UQCC1: variants seen among roughly 807,000 people sequenced by gnomAD.
UQCC1 encodes the protein ubiquinol-cytochrome c reductase complex assembly factor 1, also known as bFGF-repressed Zic-binding protein.
Under a neutral mutation model 48.0 loss-of-function variants are expected in UQCC1, and 38 were observed. That is an observed-to-expected ratio of 0.79 (90% CI 0.61 to 1.04). UQCC1 has a LOEUF of 1.04. Among genes scored for constraint, UQCC1 ranks in the 50% least tolerant of loss-of-function variants. The probability of loss-of-function intolerance (pLI) is 0.00; values close to 1 mark genes in which losing one functional copy is unlikely to be tolerated. For missense variants in UQCC1, 368 were observed against 381.8 expected (o/e 0.96, Z 0.30); for synonymous variants, 111 against 129.2 (o/e 0.86, Z 0.95).
intron 2 of UQCC1, among the ~76,000 whole-genome samples, chr20:35,385,917 C>T (rs1366731980): frequency 6.6e-6 from 1 of 150,928 alleles, no homozygotes; most frequent in Non-Finnish European, 1.5e-5. Context: ...TTCCCACATA[C>T]CCCTTCCCCC....
chr20:35,321,468 C>A (rs2061128800), intron 7 of UQCC1, among the ~76,000 whole-genome samples: 1 of 152,100 alleles, frequency 6.6e-6, no homozygotes, highest in Admixed American at 6.6e-5. Context: ...AACCTAAACC[C>A]AGCATGAGGA....
intron 1 of UQCC1, among the ~76,000 whole-genome samples, chr20:35,408,472 G>A (rs897225974): frequency 6.6e-5 from 10 of 152,168 alleles, no homozygotes; most frequent in Non-Finnish European, 1.3e-4. Context: ...TGTTGGCAAG[G>A]ATGTGGTGAA....
chr20:35,338,379 G>A (rs1230842596), intron 7 of UQCC1, among the ~76,000 whole-genome samples: 1 of 152,114 alleles, frequency 6.6e-6, no homozygotes, highest in Non-Finnish European at 1.5e-5. Flanking sequence ...CAATTGGAAG[G>A]TACCATGGTA....
chr20:35,411,068 T>C (rs531549216), intron 1 of UQCC1, among the ~76,000 whole-genome samples: 6 of 152,262 alleles, frequency 3.9e-5, no homozygotes, highest in African/African-American at 1.4e-4. Context: ...GAATAGACCA[T>C]GTCTACTATG....
At chr20:35,362,647 C>A (rs2061619049) in intron 6 of UQCC1, among the ~76,000 whole-genome samples, 1 of 152,166 alleles carries the variant, frequency 6.6e-6, no homozygotes, top group Admixed American at 6.5e-5. Context: ...CCGTGAGCCA[C>A]TGGGCCCGGC....
At chr20:35,404,433 G>C (rs1247650594) in intron 1 of UQCC1, among the ~76,000 whole-genome samples, 1 of 150,680 alleles carries the variant, frequency 6.6e-6, no homozygotes. Context: ...CCAGCTACTC[G>C]GGAGGCTGAG....
intron 2 of UQCC1, among the ~76,000 whole-genome samples, chr20:35,389,714 T>C (rs2061990781): frequency 6.6e-6 from 1 of 152,232 alleles, no homozygotes. Flanking sequence ...TTCCAGTTAA[T>C]AAATGTAGGA....
intron 6 of UQCC1, among the ~76,000 whole-genome samples, chr20:35,348,371 TTTTTGTTTTG>T (rs142041816): frequency 2.6e-3 from 396 of 150,930 alleles, no homozygotes; most frequent in African/African-American, 8.4e-3. Context: ...AGTTCATTCT[TTTTTGTTTTG>T]TTTTGTTTTG....
chr20:35,379,403 T>C (rs931799811), intron 4 of UQCC1, among the ~76,000 whole-genome samples: 26 of 152,258 alleles, frequency 1.7e-4, no homozygotes, highest in Non-Finnish European at 3.5e-4. Context: ...GAGTCAACAT[T>C]GCTGAAAACG....
At chr20:35,410,749 A>G (rs1421676169) in intron 1 of UQCC1, among the ~76,000 whole-genome samples, 1 of 100,604 alleles carries the variant, frequency 9.9e-6, no homozygotes, top group African/African-American at 4.1e-5. Flanking sequence ...GTGGCAGGGG[A>G]AGGATTAAAA....
intron 7 of UQCC1, among the ~76,000 whole-genome samples, chr20:35,333,379 G>T (rs577768761): frequency 6.6e-6 from 1 of 152,186 alleles, no homozygotes; most frequent in Admixed American, 6.5e-5. Flanking sequence ...TAAAGTCTGT[G>T]GGGGGCGGGA....
chr20:35,374,370 C>T, intron 4 of UQCC1, 114 bp from the exon 5 acceptor site: 1 of 713,778 alleles, frequency 1.4e-6, no homozygotes, highest in Non-Finnish European at 2.3e-6. Flanking sequence ...GGGTCCAAAC[C>T]ACTCTCTAGG....
chr20:35,385,946 G>T (rs903325096), intron 2 of UQCC1, among the ~76,000 whole-genome samples: 1 of 143,620 alleles, frequency 7.0e-6, no homozygotes, highest in Non-Finnish European at 1.5e-5. Context: ...AGCCTCCCCC[G>T]CCATCAACAT....
chr20:35,357,176 G>A (rs151307597), intron 6 of UQCC1, among the ~76,000 whole-genome samples: 140 of 152,256 alleles, frequency 9.2e-4, no homozygotes, highest in African/African-American at 3.0e-3. Flanking sequence ...CCTGAGCTCC[G>A]GAGTTCGAGA....
intron 6 of UQCC1, among the ~76,000 whole-genome samples, chr20:35,360,069 T>C (rs1335695526): frequency 1.3e-5 from 2 of 152,132 alleles, no homozygotes; most frequent in African/African-American, 4.8e-5. Flanking sequence ...AGATCCACTA[T>C]AAAGAATAAG....
rs1172467457 is a variant in UQCC1 at position 35,338,856 on chromosome 20, GAAAAAAA to G, written c.573+8301_573+8307del. Among the ~76,000 whole-genome samples the G allele has an allele frequency of 6.7e-4, 18 of 26,822 alleles. No individual in the cohort carries two copies. The East Asian group carries it at 9.2e-3, about 14-fold the overall frequency. The allele number at this position is 26,822 out of a possible 152,430, so 17.6% of individuals were successfully genotyped here. ...GAGAAAGCAAGACTCCGTCTCAAAAGAAAAAAAAAAAAAAAAAAAAAAAAAAAAAAAA... is the reference window on the plus strand; with the variant it reads ...GAGAAAGCAAGACTCCGTCTCAAAAGAAAAAAAAAAAAAAAAAAAAAAAAA... On this transcript the variant is annotated intron_variant, in intron 7 of 9. Transcript: ENST00000374385.
At chr20:35,307,212 AGGTG>A (rs1410812816) in intron 8 of UQCC1, 1 of 283,182 alleles carries the variant, frequency 3.5e-6, no homozygotes, top group African/African-American at 2.2e-5. Flanking sequence ...CCAGGAATGG[AGGTG>A]GGCATGGACT....
At chr20:35,315,006 CAT>C (rs974505544) in intron 7 of UQCC1, among the ~76,000 whole-genome samples, 4 of 152,304 alleles carry the variant, frequency 2.6e-5, no homozygotes, top group South Asian at 4.1e-4. Context: ...GCCCCAACCA[CAT>C]GTTTAGTTTT....
chr20:35,325,346 A>G (rs1180585611), intron 7 of UQCC1, among the ~76,000 whole-genome samples: 1 of 152,226 alleles, frequency 6.6e-6, no homozygotes, highest in Non-Finnish European at 1.5e-5. Context: ...GATAAATATT[A>G]TGTATGTATA....
Sources: gnomAD v4.1 joint callset for allele counts (sites outside exome capture counted in the v4.1 genomes callset) on GRCh38, gnomAD v4.1.1 for gene constraint, MANE v1.5 for transcripts, NCBI Gene and HGNC (gene_info 2026-07-23, HGNC 2026-07-21) for gene names.